The following CHCHD3 variants were observed in gnomAD, a reference collection of about 807,000 sequenced individuals.
The protein encoded by CHCHD3 is MICOS complex subunit MIC19.
CHCHD3 carries 20 observed loss-of-function variants against 38.2 expected under a neutral mutation model. That is an observed-to-expected ratio of 0.52 (90% CI 0.37 to 0.76). The LOEUF is 0.76. CHCHD3 is among the 30% of genes least tolerant of loss of function. The probability of loss-of-function intolerance (pLI) is 0.00; values close to 1 mark genes in which losing one functional copy is unlikely to be tolerated. For missense variants in CHCHD3, 245 were observed against 279.2 expected (o/e 0.88, Z 0.87); for synonymous variants, 82 against 100.0 (o/e 0.82, Z 1.07).
At chr7:132,973,035 CA>C (rs1423995905) in intron 4 of CHCHD3, 3 of 985,164 alleles carry the variant, frequency 3.0e-6, no homozygotes, top group African/African-American at 1.7e-5. Flanking sequence ...GATACTTTCA[CA>C]TTTTTTTGTG....
intron 3 of CHCHD3, among the ~76,000 whole-genome samples, chr7:133,002,542 G>T (rs1812601491): frequency 6.6e-6 from 1 of 151,680 alleles, no homozygotes; most frequent in Non-Finnish European, 1.5e-5. Context: ...GTTCGTAACA[G>T]TTTACAAACA....
rs57262694 is a variant in CHCHD3 at position 132,824,314 on chromosome 7, C to CTTTTTTTTTTTTTT, written c.524+14071_524+14084dup. ...AAAAATATTCCCAAGTAGTAGAACT[C>CTTTTTTTTTTTTTT]TTTTTTTTTTTTTTTTTTTTTTGAG... On this transcript the variant is annotated intron_variant, in intron 6 of 7. Coordinates refer to ENST00000262570, the MANE Select transcript of CHCHD3 (RefSeq NM_017812.4). 1.2e-3 allele frequency among the ~76,000 whole-genome samples: 108 copies of CTTTTTTTTTTTTTT among 90,132 alleles called. 13 individuals are homozygous for CTTTTTTTTTTTTTT. The highest frequency in any genetic ancestry group is 1.8e-3 in the Non-Finnish European group (86 of 48,266). The allele number at this position is 90,132 out of a possible 152,430, so 59.1% of individuals were successfully genotyped here.
At position 133,053,572 on chromosome 7, in the gene CHCHD3, G is replaced by A. The variant is rs187129645; in HGVS notation, c.169+16570C>T. Among the ~76,000 whole-genome samples the A allele has an allele frequency of 2.0e-5, 3 of 152,294 alleles. No homozygotes were observed. The East Asian group carries it at 5.8e-4, about 29-fold the overall frequency. On this transcript the variant is annotated intron_variant, in intron 2 of 7. Coordinates refer to ENST00000262570, the MANE Select transcript of CHCHD3 (RefSeq NM_017812.4). The stretch of plus-strand genomic sequence containing the variant: ...CCCTAGTAACAATCACATGTGTGGT[G>A]AAGAACCACCCACTTCCACTATTCC...
At chr7:132,980,265 G>C (rs1811885349) in intron 3 of CHCHD3, among the ~76,000 whole-genome samples, 2 of 152,154 alleles carry the variant, frequency 1.3e-5, no homozygotes, top group Non-Finnish European at 2.9e-5. Flanking sequence ...TATATGTAAA[G>C]GCAGGAGATA....
chr7:132,962,762 GC>G (rs1466729517), intron 4 of CHCHD3, among the ~76,000 whole-genome samples: 21 of 151,818 alleles, frequency 1.4e-4, no homozygotes, highest in Non-Finnish European at 5.9e-5. Flanking sequence ...CCTCTTTTTT[GC>G]CCATTCCACT....
intron 4 of CHCHD3, among the ~76,000 whole-genome samples, chr7:132,905,315 G>A (rs991724857): frequency 2.0e-5 from 3 of 151,934 alleles, no homozygotes; most frequent in African/African-American, 4.8e-5. Flanking sequence ...GGATAGAGCC[G>A]GATGTCGTTA....
chr7:132,916,615 C>G (rs1174116329), intron 4 of CHCHD3, among the ~76,000 whole-genome samples: 1 of 152,202 alleles, frequency 6.6e-6, no homozygotes, highest in Non-Finnish European at 1.5e-5. Flanking sequence ...AGGCCTCACT[C>G]TGTCACTCAG....
At chr7:132,894,097 G>C (rs945163061) in intron 4 of CHCHD3, among the ~76,000 whole-genome samples, 1 of 152,184 alleles carries the variant, frequency 6.6e-6, no homozygotes, top group Non-Finnish European at 1.5e-5. Flanking sequence ...AAGTGATCTG[G>C]TGGTGTTTTG....
intron 5 of CHCHD3, among the ~76,000 whole-genome samples, chr7:132,856,984 T>C (rs1202275564): frequency 1.3e-5 from 2 of 152,184 alleles, no homozygotes; most frequent in Non-Finnish European, 2.9e-5. Flanking sequence ...AGGGTCTCTC[T>C]GCGACAAGCT....
intron 5 of CHCHD3, among the ~76,000 whole-genome samples, chr7:132,841,241 C>T (rs1369955342): frequency 6.6e-6 from 1 of 152,136 alleles, no homozygotes; most frequent in African/African-American, 2.4e-5. Context: ...ATCAGATGCT[C>T]AAGAAGCTTT....
intron 3 of CHCHD3, among the ~76,000 whole-genome samples, chr7:132,985,010 C>T (rs1187055648): frequency 1.2e-5 from 1 of 86,920 alleles, no homozygotes. Context: ...CCAGCCGCCC[C>T]GTCTGGGAGG....
chr7:132,860,641 T>A (rs1329741489), intron 5 of CHCHD3, among the ~76,000 whole-genome samples: 2 of 152,158 alleles, frequency 1.3e-5, no homozygotes, highest in Non-Finnish European at 2.9e-5. Flanking sequence ...AGCTTTTTTT[T>A]TTTGAGACAG....
intron 2 of CHCHD3, among the ~76,000 whole-genome samples, chr7:133,054,223 T>G (rs993038270): frequency 6.6e-6 from 1 of 152,204 alleles, no homozygotes; most frequent in East Asian, 1.9e-4. Flanking sequence ...GAAGACAAAC[T>G]TCTTCAATGA....
rs565469933 is a variant in CHCHD3 at position 132,879,311 on chromosome 7, G to A, written c.453+6351C>T. On this transcript the variant is annotated intron_variant, in intron 5 of 7. Coordinates refer to ENST00000262570, the MANE Select transcript of CHCHD3 (RefSeq NM_017812.4). ...GAACAAATGCATGCCACATCACTGGGTTACTCAACATTGTATTATACCTAA... is the reference window on the plus strand; with the variant it reads ...GAACAAATGCATGCCACATCACTGGATTACTCAACATTGTATTATACCTAA... 8.5e-5 allele frequency among the ~76,000 whole-genome samples: 13 copies of A among 152,128 alleles called. No individual in the cohort carries two copies. The South Asian group carries it at 2.7e-3, about 32-fold the overall frequency.
chr7:132,980,375 T>C (rs566111421), intron 3 of CHCHD3, among the ~76,000 whole-genome samples: 1 of 152,364 alleles, frequency 6.6e-6, no homozygotes, highest in East Asian at 1.9e-4. Flanking sequence ...CATTCCTTTT[T>C]TATTTATTGG....
intron 1 of CHCHD3, among the ~76,000 whole-genome samples, chr7:133,072,301 A>G (rs971891226): frequency 6.6e-6 from 1 of 152,174 alleles, no homozygotes; most frequent in Non-Finnish European, 1.5e-5. Flanking sequence ...AGGGGAGAAC[A>G]CACTTAAAAG....
chr7:133,006,437 A>T (rs756319188), intron 3 of CHCHD3, among the ~76,000 whole-genome samples: 6 of 152,092 alleles, frequency 3.9e-5, no homozygotes, highest in African/African-American at 7.2e-5. Flanking sequence ...GCTGCACTCC[A>T]GCCTGGGCAA....
chr7:132,975,383 C>A, intron 3 of CHCHD3, 97 bp from the exon 4 acceptor site: 1 of 1,004,332 alleles, frequency 1.0e-6, no homozygotes, highest in Admixed American at 2.2e-5. Context: ...AACACATAGC[C>A]AAAAAGGTCA....
rs147878096 is a variant in CHCHD3, at chr7:132,788,014, A to T, written c.661-2354T>A. ...CCAGCCCCATGTTCGCTGGGAAAAT[A>T]ACACGCTGAGCACCCACCATGTAAG... On this transcript the variant is annotated intron_variant, in intron 7 of 7. Transcript: ENST00000262570. The surrounding 1 kb of genome is among the most constrained non-coding windows in gnomAD (Gnocchi z 4.0). Among the ~76,000 whole-genome samples the T allele has an allele frequency of 6.6e-6, 1 of 152,286 alleles. No individual in the cohort carries two copies. Among genetic ancestry groups the T allele is most frequent in the African/African-American group, 2.4e-5 (1 of 41,554 alleles).
Sources: allele counts gnomAD v4.1 joint callset (sites outside exome capture counted in the v4.1 genomes callset), GRCh38; gene constraint gnomAD v4.1.1; non-coding constraint Gnocchi (gnomAD v3.1); transcripts MANE v1.5; gene names NCBI Gene and HGNC (gene_info 2026-07-23, HGNC 2026-07-21).